The following RTN1 variants were observed in gnomAD, a reference collection of about 807,000 sequenced individuals.
RTN1 encodes reticulon 1, also known as reticulon-1.
Under a neutral mutation model 65.5 loss-of-function variants are expected in RTN1, and 25 were observed. That is an observed-to-expected ratio of 0.38 (90% CI 0.28 to 0.53). The LOEUF is 0.53. RTN1 is among the 20% of genes least tolerant of loss of function. RTN1 has a pLI of 0.79. For synonymous variants in RTN1, 471 were observed against 447.6 expected, an observed-to-expected ratio of 1.05 and a Z score of -0.66; for missense variants, 983 against 1,025.4, an observed-to-expected ratio of 0.96 and a Z score of 0.57.
At chr14:59,661,021 A>G (rs1478374033) in intron 3 of RTN1, among the ~76,000 whole-genome samples, 1 of 152,004 alleles carries the variant, frequency 6.6e-6, no homozygotes, top group Admixed American at 6.6e-5. Context: ...AAAGAGAAAA[A>G]TCAAATAGAC....
intron 3 of RTN1, among the ~76,000 whole-genome samples, chr14:59,650,582 T>G (rs1383098535): frequency 6.6e-6 from 1 of 151,990 alleles, no homozygotes; most frequent in Non-Finnish European, 1.5e-5. Context: ...AATCAATGTA[T>G]AAAAATCACT....
chr14:59,620,413 C>T (rs568342691), intron 3 of RTN1, among the ~76,000 whole-genome samples: 1 of 152,156 alleles, frequency 6.6e-6, no homozygotes, highest in African/African-American at 2.4e-5. Flanking sequence ...GTGTGTGAAA[C>T]GGGGCTAGTC....
chr14:59,743,238 G>A (rs1370622866), intron 2 of RTN1, among the ~76,000 whole-genome samples: 3 of 152,068 alleles, frequency 2.0e-5, no homozygotes, highest in Non-Finnish European at 2.9e-5. Flanking sequence ...TTGGGCCATG[G>A]CTACTTAAAA....
chr14:59,626,957 A>T (rs1882415725), intron 3 of RTN1, among the ~76,000 whole-genome samples: 1 of 152,210 alleles, frequency 6.6e-6, no homozygotes, highest in Non-Finnish European at 1.5e-5. Flanking sequence ...CTGTGAAAAT[A>T]TCTCAGATGA....
intron 3 of RTN1, among the ~76,000 whole-genome samples, chr14:59,723,101 T>A (rs1884680587): frequency 6.6e-6 from 1 of 152,134 alleles, no homozygotes; most frequent in African/African-American, 2.4e-5. Flanking sequence ...CCCAGACTCT[T>A]TAACTTTGAA....
chr14:59,824,973 G>T (rs186068352), intron 1 of RTN1, among the ~76,000 whole-genome samples: 18 of 152,316 alleles, frequency 1.2e-4, no homozygotes, highest in African/African-American at 4.3e-4. Flanking sequence ...AATGGTGGTT[G>T]TCAGGGGCTG....
chr14:59,664,447 C>A (rs1883321739), intron 3 of RTN1, among the ~76,000 whole-genome samples: 1 of 152,042 alleles, frequency 6.6e-6, no homozygotes, highest in East Asian at 1.9e-4. Context: ...GCATATGTAT[C>A]CCATTACTTC....
intron 1 of RTN1, among the ~76,000 whole-genome samples, chr14:59,753,773 C>T (rs989437074): frequency 2.0e-5 from 3 of 152,154 alleles, no homozygotes; most frequent in African/African-American, 4.8e-5. Context: ...AAGCCATTTG[C>T]CCCAGGTAGG....
chr14:59,749,611 ATT>A (rs1281638597), intron 1 of RTN1, among the ~76,000 whole-genome samples: 4 of 71,230 alleles, frequency 5.6e-5, no homozygotes, highest in African/African-American at 2.8e-4. Flanking sequence ...ATCTATATAT[ATT>A]TATATAGATA....
intron 1 of RTN1, among the ~76,000 whole-genome samples, chr14:59,841,371 AT>A (rs1358725984): frequency 6.6e-6 from 1 of 152,306 alleles, no homozygotes; most frequent in East Asian, 1.9e-4. Context: ...AAACACTCCA[AT>A]TAAAAAGAAG....
chr14:59,799,544 T>C (rs183100377), intron 1 of RTN1, among the ~76,000 whole-genome samples: 13 of 152,374 alleles, frequency 8.5e-5, no homozygotes, highest in Admixed American at 5.9e-4. Flanking sequence ...ACAGCCACCA[T>C]AATATGATAA....
intron 3 of RTN1, among the ~76,000 whole-genome samples, chr14:59,688,116 C>A (rs1281444801): frequency 4.6e-5 from 7 of 152,152 alleles, no homozygotes; most frequent in African/African-American, 1.7e-4. Flanking sequence ...CACAGGGGCC[C>A]TCTCTACTCG....
intron 3 of RTN1, among the ~76,000 whole-genome samples, chr14:59,634,892 A>C (rs1231674053): frequency 2.0e-5 from 3 of 152,192 alleles, no homozygotes; most frequent in African/African-American, 7.2e-5. Context: ...TTAATGGGAA[A>C]CTTAATTACA....
chr14:59,597,598 T>C (rs2140154753), intron 8 of RTN1, among the ~76,000 whole-genome samples: 1 of 152,184 alleles, frequency 6.6e-6, no homozygotes, highest in East Asian at 1.9e-4. Context: ...TCTCATGGAG[T>C]TTTCATTCCT....
rs575024978 is a variant in RTN1, at chr14:59,685,084, T to A, written c.1765+41835A>T. Reference sequence around the variant, plus strand: ...AGAATGCAGGATAAGACCCATATGATAATTTTAGTAGATGCAGAAAAAGCA... The same window carrying A: ...AGAATGCAGGATAAGACCCATATGAAAATTTTAGTAGATGCAGAAAAAGCA... On this transcript the variant is annotated intron_variant, in intron 3 of 8. Coordinates refer to ENST00000267484, the MANE Select transcript of RTN1 (RefSeq NM_021136.3). Among the ~76,000 whole-genome samples the A allele has an allele frequency of 2.0e-5, 3 of 152,306 alleles. No individual in the cohort carries two copies. In the South Asian group the frequency reaches 6.2e-4, roughly 32 times the overall value.
At chr14:59,625,122 G>A (rs1248297758) in intron 3 of RTN1, among the ~76,000 whole-genome samples, 3 of 152,036 alleles carry the variant, frequency 2.0e-5, no homozygotes, top group Non-Finnish European at 4.4e-5. Flanking sequence ...TTTTAAAAAT[G>A]ATGAAGAAGG....
At position 59,850,190 on chromosome 14, in the gene RTN1, T is replaced by C. The variant is rs181385049; in HGVS notation, c.241+20200A>G. Among the ~76,000 whole-genome samples, 334 of 152,324 alleles carry C rather than the reference T, an allele frequency of 2.2e-3. 4 individuals carry two copies. The Middle Eastern group carries it at 0.027, about 12-fold the overall frequency. On this transcript the variant is annotated intron_variant, in intron 1 of 8. Coordinates refer to ENST00000267484, the MANE Select transcript of RTN1 (RefSeq NM_021136.3). Reference sequence around the variant, plus strand: ...TCTATTTTCCCTTATGTTATACAGGTGCTCCTCAACTTATAATGGGGTTAC... The same window carrying C: ...TCTATTTTCCCTTATGTTATACAGGCGCTCCTCAACTTATAATGGGGTTAC...
chr14:59,610,222 C>A, intron 3 of RTN1: 2 of 717,982 alleles, frequency 2.8e-6, no homozygotes, highest in East Asian at 2.6e-5. Flanking sequence ...CATGGACTTT[C>A]CTTGAAGAAA....
intron 4 of RTN1, chr14:59,606,102 T>TTATATATA (rs1566658026): frequency 2.5e-4 from 13 of 51,684 alleles, no homozygotes; most frequent in African/African-American, 1.5e-3. Context: ...GGGAAAAACA[T>TTATATATA]GATATATATA....
Sources: allele counts gnomAD v4.1 joint callset (sites outside exome capture counted in the v4.1 genomes callset), GRCh38; gene constraint gnomAD v4.1.1; transcripts MANE v1.5; gene names NCBI Gene and HGNC (gene_info 2026-07-23, HGNC 2026-07-21).